Variants in ZNF500 observed in about 807,000 individuals in gnomAD.
The protein encoded by ZNF500 is zinc finger protein 500, also known as zinc finger protein with KRAB and SCAN domains 18.
A neutral mutation model predicts 30.1 loss-of-function variants in ZNF500; 31 were observed. The observed-to-expected ratio is 1.03, with a 90% CI of 0.77 to 1.39. ZNF500 has a LOEUF of 1.39. Among genes scored for constraint, ZNF500 ranks in the 40% most tolerant of loss-of-function variants. The pLI, the probability that ZNF500 is intolerant of heterozygous loss-of-function variation, is 0.00. For missense variants in ZNF500, 817 were observed against 657.8 expected, an observed-to-expected ratio of 1.24 and a Z score of -2.65; for synonymous variants, 392 against 282.0, an observed-to-expected ratio of 1.39 and a Z score of -3.91.
downstream of ZNF500, chr16:4,746,974 T>C (rs1322449808): frequency 1.7e-5 from 26 of 1,552,890 alleles, no homozygotes; most frequent in Non-Finnish European, 2.1e-5. Context: ...GAGGAAGAGA[T>C]GGCAGCTCTG....
Position 4,750,321 on chromosome 16 carries a change from T to G in ZNF500, c.*2055A>C, listed in dbSNP as rs2082065312. 1 of 150,432 alleles carries G rather than the reference T, an allele frequency of 6.6e-6. No homozygotes were observed. Among genetic ancestry groups the G allele is most frequent in the Admixed American group, 6.6e-5 (1 of 15,088 alleles). 9.3% of individuals were successfully genotyped at this position (150,432 alleles called of 1,614,324 possible). ...CACACAGGGGCCAGAAGCAATGACTTAAAAAAAAAATTGTTTATTTTATCT... is the reference window on the plus strand; with the variant it reads ...CACACAGGGGCCAGAAGCAATGACTGAAAAAAAAAATTGTTTATTTTATCT... On this transcript the variant is annotated 3_prime_UTR_variant, in exon 6 of 6. Transcript: ENST00000219478.
At chr16:4,765,334 T>C (rs897352795) in intron 2 of ZNF500, among the ~76,000 whole-genome samples, 1 of 152,062 alleles carries the variant, frequency 6.6e-6, no homozygotes, top group Non-Finnish European at 1.5e-5. Flanking sequence ...AGGACAGTGT[T>C]CACAAACCAT....
Position 4,750,576 on chromosome 16 carries a change from C to T in ZNF500, c.*1800G>A, listed in dbSNP as rs1227254615. On this transcript the variant is annotated 3_prime_UTR_variant, in exon 6 of 6. Coordinates refer to ENST00000219478, the MANE Select transcript of ZNF500 (RefSeq NM_021646.4). ...CGACCTCGGCTCACTGCAACCTCCG[C>T]CTCCCTGGTTCAAGTGATTCTCTTG... is the stretch of plus-strand genomic sequence containing the variant. 1 of 151,964 alleles carries T rather than the reference C, an allele frequency of 6.6e-6. No individual in the cohort carries two copies. Among genetic ancestry groups the T allele is most frequent in the African/African-American group, 2.4e-5 (1 of 41,332 alleles). 9.4% of individuals were successfully genotyped at this position (151,964 alleles called of 1,614,324 possible). A position where few individuals can be genotyped will look rare whatever the true frequency, so the allele number is the denominator to read the frequency against.
chr16:4,751,473 C>A lies in ZNF500; in HGVS notation c.*903G>T. The A allele has an allele frequency of 8.5e-7, 1 of 1,172,944 alleles. No individual in the cohort carries two copies. The highest frequency in any genetic ancestry group is 1.2e-6 in the Non-Finnish European group (1 of 857,434). The allele number at this position is 1,172,944 out of a possible 1,614,324, so 72.7% of individuals were successfully genotyped here. A position where few individuals can be genotyped will look rare whatever the true frequency, so the allele number is the denominator to read the frequency against. On this transcript the variant is annotated 3_prime_UTR_variant, in exon 6 of 6. Coordinates refer to ENST00000219478, the MANE Select transcript of ZNF500 (RefSeq NM_021646.4). ...CTTTCCCGCCCCAGGTGTCTTCCGC[C>A]CTGCAGAGCAGCTATGGATCTGCAA...
In ZNF500 at chr16:4,757,595, C is replaced by A. The variant is rs80188479; in HGVS notation, c.760+2897G>T. On this transcript the variant is annotated intron_variant, in intron 5 of 5. Transcript: ENST00000219478. ...GATTACAGGCATGAGCCACCATGCC[C>A]GGCCCGTTTTTGTTTTTGTTTTTTG... Among the ~76,000 whole-genome samples, 704 of 150,910 alleles carry A rather than the reference C, an allele frequency of 4.7e-3. 42 individuals carry two copies. In the East Asian group the frequency reaches 0.12, roughly 26 times the overall value.
chr16:4,757,995 G>A (rs1465783668), intron 5 of ZNF500, among the ~76,000 whole-genome samples: 4 of 150,322 alleles, frequency 2.7e-5, no homozygotes, highest in Non-Finnish European at 5.9e-5. Context: ...TCCGCCTCCT[G>A]GGTTCAAGCT....
In ZNF500 at chr16:4,762,667, C is replaced by T; in HGVS notation, c.504G>A (p.Leu168=). 1.2e-6 allele frequency: 2 copies of T among 1,614,156 alleles called. No individual in the cohort carries two copies. The highest frequency in any genetic ancestry group is 1.1e-5 in the South Asian group (1 of 91,088). ...KHQAEAQPED[L]SLEEEARFSS... is the part of the protein sequence containing the mutation. ...AGAATCGAGCCTCTTCCTCCAGGGA[C>T]AGATCCTCTGGCTGAGCCTCTGCCT... The change falls in exon 3 of 6, where the codon CTG becomes CTA. Residue 168 remains leucine (L), a synonymous_variant. Transcript: ENST00000219478.
At chr16:4,766,930 A>C (rs1333048851) in intron 1 of ZNF500, 87 bp downstream of exon 1, 2 of 152,346 alleles carry the variant, frequency 1.3e-5, no homozygotes, top group Admixed American at 6.5e-5. Flanking sequence ...GCGGTACCCG[A>C]GGCCGCGGCA....
At chr16:4,753,240 T>C in intron 5 of ZNF500, 182 bp from the exon 6 acceptor site, 6 of 1,254,312 alleles carry the variant, frequency 4.8e-6, no homozygotes, top group East Asian at 2.7e-5. Flanking sequence ...GTGGGAGGAT[T>C]GCTTGAGCCC....
intron 2 of ZNF500, 177 bp from the exon 3 acceptor site, chr16:4,762,933 C>T: frequency 1.0e-6 from 1 of 985,412 alleles, no homozygotes; most frequent in Non-Finnish European, 1.2e-6. Flanking sequence ...AGCTCCCAGC[C>T]TGCTCTACTC....
chr16:4,752,884 G>T lies in ZNF500; in HGVS notation c.935C>A (p.Pro312Gln), dbSNP rs754402415. Residue 312 changes from proline to glutamine, a missense_variant, in exon 6 of 6, where the codon CCA becomes CAA. Pro to Gln is a moderately conservative substitution (Grantham distance 76). Coordinates refer to ENST00000219478, the MANE Select transcript of ZNF500 (RefSeq NM_021646.4). ...CCCATGGGAAGCCCGTCTTCCTGGT[G>T]GGGGGCCGCCTCTTGGCTGATCAGG... ...VRPDQPRGGPPPGRRASHGAD... is the reference protein window; with the variant it reads ...VRPDQPRGGPQPGRRASHGAD... 75 of 1,613,876 alleles carry T rather than the reference G, an allele frequency of 4.6e-5. No individual in the cohort carries two copies. In the Middle Eastern group the frequency reaches 4.9e-4, roughly 11 times the overall value.
downstream of ZNF500, among the ~76,000 whole-genome samples, chr16:4,745,241 C>T (rs1001280469): frequency 1.3e-5 from 2 of 152,158 alleles, no homozygotes; most frequent in African/African-American, 4.8e-5. Flanking sequence ...GGACTCAAGC[C>T]CTCAAGTACC....
At chr16:4,746,445 G>A (rs139313016), downstream of ZNF500, 24 of 1,613,608 alleles carry the variant, frequency 1.5e-5, no homozygotes, top group East Asian at 2.2e-5. Context: ...GAGGCTTAAC[G>A]CAGAGTCCCC....
At chr16:4,765,515 A>T in intron 2 of ZNF500, 50 bp downstream of exon 2, 1 of 1,537,398 alleles carries the variant, frequency 6.5e-7, no homozygotes, top group Non-Finnish European at 8.8e-7. Flanking sequence ...TGCAGACCCC[A>T]GCAGCAGGGC....
rs187424371 is a variant in ZNF500 at position 4,762,384 on chromosome 16, C to A, written c.599-49G>T. ...CAGTCACACAGCTCACCCAGTACTGCCCCTGCCGTCCCCTGCACACCAAGG... is the reference window on the plus strand; with the variant it reads ...CAGTCACACAGCTCACCCAGTACTGACCCTGCCGTCCCCTGCACACCAAGG... On this transcript the variant is annotated intron_variant, in intron 3 of 5. Transcript: ENST00000219478. 0.013 allele frequency: 20,197 copies of A among 1,545,688 alleles called. 168 individuals are homozygous for A. The highest frequency in any genetic ancestry group is 0.016 in the Non-Finnish European group (18,010 of 1,145,226).
rs1181965214 is a variant in ZNF500 at position 4,752,552 on chromosome 16, G to A, written c.1267C>T (p.His423Tyr). ...QCGKRFNNSS[H>Y]FSAHRRTHTG... ...TGCGTCCGGCGGTGGGCGCTGAAGT[G>A]CGAGCTGTTGTTGAAGCGCTTCCCG... The change falls in exon 6 of 6, where the codon CAC becomes TAC. Residue 423 changes from histidine to tyrosine, a missense_variant. Physicochemically the swap from His to Tyr is moderately conservative, Grantham distance 83. Coordinates refer to ENST00000219478, the MANE Select transcript of ZNF500 (RefSeq NM_021646.4). 1 of 1,571,412 alleles carries A rather than the reference G, an allele frequency of 6.4e-7. No homozygotes were observed. Among genetic ancestry groups the A allele is most frequent in the East Asian group, 2.4e-5 (1 of 42,422 alleles).
intron 5 of ZNF500, among the ~76,000 whole-genome samples, chr16:4,755,724 G>C (rs1377259379): frequency 6.6e-6 from 1 of 152,170 alleles, no homozygotes; most frequent in Non-Finnish European, 1.5e-5. Context: ...CAAGAAAACT[G>C]AAAACATGTC....
rs993445997 is a variant in ZNF500, at chr16:4,762,455, G to T, written c.598+118C>A. ...CCCACCCAAGATCCACTCCTTGCTG[G>T]AGAGCCTGTGCACCCTGCATCCAGG... On this transcript the variant is annotated intron_variant, in intron 3 of 5. Transcript: ENST00000219478. 2.6e-6 allele frequency: 4 copies of T among 1,513,618 alleles called. No homozygotes were observed. In the African/African-American group the frequency reaches 5.5e-5, roughly 21 times the overall value. The allele number at this position is 1,513,618 out of a possible 1,614,324, so 93.8% of individuals were successfully genotyped here.
chr16:4,766,909 G>A (rs1480574501), intron 1 of ZNF500, 108 bp downstream of exon 1: 2 of 152,242 alleles, frequency 1.3e-5, no homozygotes, highest in African/African-American at 4.8e-5. Flanking sequence ...CATCCCTCAG[G>A]TGGAGGGTGA....
Sources: allele counts gnomAD v4.1 joint callset (sites outside exome capture counted in the v4.1 genomes callset), GRCh38; gene constraint gnomAD v4.1.1; transcripts MANE v1.5; gene names NCBI Gene and HGNC (gene_info 2026-07-23, HGNC 2026-07-21).